Variants in PASK observed in about 807,000 individuals in gnomAD.
PASK encodes the protein PAS domain-containing serine/threonine-protein kinase.
PASK carries 110 observed loss-of-function variants against 121.0 expected under a neutral mutation model. The observed-to-expected ratio is 0.91, with a 90% CI of 0.78 to 1.06. The LOEUF (loss-of-function observed/expected upper bound fraction) is 1.06, where lower values mean the gene tolerates loss of function less well. Ranked by LOEUF, PASK falls within the 50% of genes least tolerant of loss-of-function variation. PASK has a pLI of 0.00. For missense variants in PASK, 1,643 were observed against 1,702.3 expected, an observed-to-expected ratio of 0.97 and a Z score of 0.61; for synonymous variants, 686 against 717.8, an observed-to-expected ratio of 0.96 and a Z score of 0.71.
Position 241,127,091 on chromosome 2 carries a change from C to A in PASK, c.1824G>T (p.Met608Ile). 1 of 1,614,094 alleles carries A rather than the reference C, an allele frequency of 6.2e-7. No homozygotes were observed. The highest frequency in any genetic ancestry group is 1.6e-4 in the Middle Eastern group (1 of 6,062). ...ATTCACTCCCATAGCAAGGGCAGTGCATCAGGAGGCTGCCCCCCGCCAGCT... is the reference window on the plus strand; with the variant it reads ...ATTCACTCCCATAGCAAGGGCAGTGAATCAGGAGGCTGCCCCCCGCCAGCT... Reference protein sequence around the residue: ...KGQLAGGSLLMHCPCYGSEWG... With the variant: ...KGQLAGGSLLIHCPCYGSEWG... The change falls in exon 10 of 18, where the codon ATG becomes ATT. Residue 608 changes from methionine (M) to isoleucine (I), a missense_variant. By Grantham distance (10) the Met-to-Ile change is conservative. Coordinates refer to ENST00000234040, the MANE Select transcript of PASK (RefSeq NM_015148.4).
intron 12 of PASK, chr2:241,118,754 G>A (rs577361959): frequency 3.3e-4 from 86 of 257,564 alleles, no homozygotes; most frequent in African/African-American, 1.8e-3. Context: ...AAAGCCCAGG[G>A]GCTGGCAGGG....
chr2:241,123,482 G>C (rs1028082320), intron 11 of PASK, among the ~76,000 whole-genome samples: 2 of 151,868 alleles, frequency 1.3e-5, no homozygotes, highest in Admixed American at 1.3e-4. Context: ...CCGACCTAAA[G>C]TGGCTTCATA....
chr2:241,136,753 CCAGAT>C (rs1372632225), intron 7 of PASK, among the ~76,000 whole-genome samples: 1 of 152,260 alleles, frequency 6.6e-6, no homozygotes, highest in Middle Eastern at 3.2e-3. Flanking sequence ...ATCAGTCAGA[CCAGAT>C]CTCTCAGGGC....
At chr2:241,136,166 A>T (rs2125445744) in intron 7 of PASK, 127 bp from the exon 8 acceptor site, 1 of 846,278 alleles carries the variant, frequency 1.2e-6, no homozygotes, top group Non-Finnish European at 2.0e-6. Flanking sequence ...AGGTCAGGAA[A>T]GGCCTCGGGC....
At position 241,108,156 on chromosome 2, in the gene PASK, C is replaced by T. The variant is rs772645211; in HGVS notation, c.3667+11G>A. On this transcript the variant is annotated intron_variant, in intron 16 of 17. Transcript: ENST00000234040. The surrounding 1 kb of genome is among the most constrained non-coding windows in gnomAD (Gnocchi z 5.2). ...AGTGTCGACTGTCTACCACTTGCAG[C>T]TCACGCTCACCTTTGGACACCAGGT... The T allele has an allele frequency of 1.2e-6, 2 of 1,614,146 alleles. No individual in the cohort carries two copies. The highest frequency in any genetic ancestry group is 4.5e-5 in the East Asian group (2 of 44,878).
intron 12 of PASK, among the ~76,000 whole-genome samples, chr2:241,117,428 G>A (rs1218527719): frequency 6.6e-6 from 1 of 152,220 alleles, no homozygotes; most frequent in Non-Finnish European, 1.5e-5. Flanking sequence ...AGGTGAAGAG[G>A]CCTGCGGCCT....
At chr2:241,136,157 G>C (rs1288718014) in intron 7 of PASK, 118 bp from the exon 8 acceptor site, 1 of 909,364 alleles carries the variant, frequency 1.1e-6, no homozygotes, top group Non-Finnish European at 1.8e-6. Flanking sequence ...TCACCCTTAA[G>C]GTCAGGAAAG....
chr2:241,128,157 T>C (rs2065963423), intron 9 of PASK, among the ~76,000 whole-genome samples: 1 of 152,200 alleles, frequency 6.6e-6, no homozygotes, highest in South Asian at 2.1e-4. Context: ...GGCAGGCACC[T>C]ATAATCCCAG....
chr2:241,135,510 G>A (rs563026930), intron 8 of PASK, among the ~76,000 whole-genome samples: 4 of 152,184 alleles, frequency 2.6e-5, no homozygotes, highest in East Asian at 1.9e-4. Context: ...GCGGTAATCC[G>A]ATATGCTACA....
At chr2:241,123,523 A>T (rs781079288) in intron 11 of PASK, among the ~76,000 whole-genome samples, 1 of 151,944 alleles carries the variant, frequency 6.6e-6, no homozygotes, top group African/African-American at 2.4e-5. Flanking sequence ...ACAGTGTGAA[A>T]AGTTACAAAG....
chr2:241,140,050 C>T lies in PASK; in HGVS notation c.435G>A (p.Leu145=), dbSNP rs141463565. ...GCCCGCAAGCTTTGTCGTTAGCAAC[C>T]AGGATCTGAGGAATCACAAAGAGGA... The part of the protein sequence containing the change: ...FTVDAKTTEI[L]VANDKACGLL... The change falls in exon 4 of 18, where the codon CTG becomes CTA. Residue 145 remains leucine (L), a synonymous_variant. Transcript: ENST00000234040. 36 of 1,613,796 alleles carry T rather than the reference C, an allele frequency of 2.2e-5. No homozygotes were observed. In the Admixed American group the frequency reaches 6.0e-4, roughly 27 times the overall value.
At chr2:241,147,560 G>T (rs1397075041) in intron 1 of PASK, among the ~76,000 whole-genome samples, 1 of 152,192 alleles carries the variant, frequency 6.6e-6, no homozygotes, top group Non-Finnish European at 1.5e-5. Flanking sequence ...GGCGGAGGCT[G>T]CAGTGAGAGG....
intron 1 of PASK, among the ~76,000 whole-genome samples, chr2:241,147,760 G>A (rs2067027376): frequency 6.6e-6 from 1 of 150,874 alleles, no homozygotes; most frequent in Admixed American, 6.6e-5. Context: ...GCAATTTTTT[G>A]TCCTTCATGG....
At chr2:241,107,154 C>T (rs569926238) in intron 17 of PASK, among the ~76,000 whole-genome samples, 199 bp downstream of exon 17, 11 of 152,326 alleles carry the variant, frequency 7.2e-5, no homozygotes, top group South Asian at 2.1e-4. Flanking sequence ...CCCTGAACCC[C>T]AGTGGTGTCC....
chr2:241,128,384 C>T (rs1373643352), intron 9 of PASK, among the ~76,000 whole-genome samples: 4 of 152,202 alleles, frequency 2.6e-5, no homozygotes, highest in Admixed American at 6.5e-5. Flanking sequence ...GCATTCAGCA[C>T]ATGGTGACCC....
At chr2:241,123,194 T>TA (rs1373540332) in intron 11 of PASK, among the ~76,000 whole-genome samples, 2 of 134,502 alleles carry the variant, frequency 1.5e-5, no homozygotes, top group African/African-American at 3.1e-5. Context: ...TTTTTTTTTT[T>TA]AGACGGAGTC....
Position 241,112,472 on chromosome 2 carries a change from A to G in PASK, c.3334-33T>C, listed in dbSNP as rs1448826177. ...CAGGAGGCCAGAGGGGGCTTTTTAAAAAAGCAATTCAACTAAAATATGCAT... is the reference window on the plus strand; with the variant it reads ...CAGGAGGCCAGAGGGGGCTTTTTAAGAAAGCAATTCAACTAAAATATGCAT... On this transcript the variant is annotated intron_variant, in intron 14 of 17. Transcript: ENST00000234040. This position sits in a 1 kb window ranked among gnomAD's most constrained non-coding sequence, Gnocchi z 5.2. 7 of 1,459,192 alleles carry G rather than the reference A, an allele frequency of 4.8e-6. No individual in the cohort carries two copies. The highest frequency in any genetic ancestry group is 6.7e-6 in the Non-Finnish European group (7 of 1,050,090). 90.4% of individuals were successfully genotyped at this position (1,459,192 alleles called of 1,614,324 possible).
chr2:241,117,294 T>A lies in PASK; in HGVS notation c.3073-1881A>T, dbSNP rs114276690. Among the ~76,000 whole-genome samples the A allele has an allele frequency of 3.4e-3, 517 of 151,842 alleles. 1 individual carries two copies. Among genetic ancestry groups the A allele is most frequent in the Admixed American group, 8.1e-3 (123 of 15,266 alleles). ...TCACTATGGCCCAAAAGGCCAGAAG[T>A]GAGACTGAGGGAAAGCAAGAAGACG... On this transcript the variant is annotated intron_variant, in intron 12 of 17. Transcript: ENST00000234040.
intron 4 of PASK, among the ~76,000 whole-genome samples, chr2:241,139,014 T>C (rs2066575517): frequency 6.6e-6 from 1 of 152,268 alleles, no homozygotes; most frequent in Admixed American, 6.5e-5. Flanking sequence ...GTAGATTTCA[T>C]TCTCAGTTCA....
Sources: gnomAD v4.1 joint callset for allele counts (sites outside exome capture counted in the v4.1 genomes callset) on GRCh38, gnomAD v4.1.1 for gene constraint, Gnocchi (gnomAD v3.1) non-coding constraint, MANE v1.5 for transcripts, NCBI Gene and HGNC (gene_info 2026-07-23, HGNC 2026-07-21) for gene names.